Variants in CACUL1 observed in about 807,000 individuals in gnomAD.
CACUL1 encodes the protein CDK2 associated cullin domain 1.
CACUL1 carries 13 observed loss-of-function variants against 45.2 expected under a neutral mutation model. That is an observed-to-expected ratio of 0.29 (90% CI 0.19 to 0.46). CACUL1 has a LOEUF of 0.46. Among genes scored for constraint, CACUL1 ranks in the 20% least tolerant of loss-of-function variants. CACUL1 has a pLI of 1.00. For missense variants in CACUL1, 421 were observed against 471.4 expected (o/e 0.89, Z 0.99); for synonymous variants, 197 against 174.2 (o/e 1.13, Z -1.03).
At chr10:118,696,590 C>T (rs1180901243) in intron 5 of CACUL1, among the ~76,000 whole-genome samples, 1 of 152,200 alleles carries the variant, frequency 6.6e-6, no homozygotes, top group Non-Finnish European at 1.5e-5. Context: ...CTGCAGTGAG[C>T]CAAGATCCCG....
At position 118,716,211 on chromosome 10, in the gene CACUL1, G is replaced by A. The variant is rs563080217; in HGVS notation, c.598-8624C>T. Among the ~76,000 whole-genome samples the A allele has an allele frequency of 1.5e-3, 222 of 148,380 alleles. 1 individual carries two copies. Among genetic ancestry groups the A allele is most frequent in the African/African-American group, 5.3e-3 (213 of 40,226 alleles). ...TGCGCCACTGCACTCCAGCCTGGGC[G>A]ACAGAGCAAGACTCCGTCTCAAAAA... On this transcript the variant is annotated intron_variant, in intron 3 of 8. Transcript: ENST00000369151.
rs1307721213 is a variant in CACUL1 at position 118,729,449 on chromosome 10, AC to A, written c.495-53del. The A allele has an allele frequency of 7.6e-6, 10 of 1,310,366 alleles. No individual in the cohort carries two copies. The African/African-American group carries it at 1.3e-4, about 17-fold the overall frequency. The allele number at this position is 1,310,366 out of a possible 1,614,324, so 81.2% of individuals were successfully genotyped here. On this transcript the variant is annotated intron_variant, in intron 2 of 8. Coordinates refer to ENST00000369151, the MANE Select transcript of CACUL1 (RefSeq NM_153810.5). ...AACCAAGTTAATCATAAAGCACTTA[AC>A]TCAGTCCAAGGTTAAAGCACACTTT...
chr10:118,678,832 A>ATG lies in CACUL1; in HGVS notation c.*7294_*7295dup, dbSNP rs1379825174. The ATG allele has an allele frequency of 6.6e-6, 1 of 152,142 alleles. No individual in the cohort carries two copies. Among genetic ancestry groups the ATG allele is most frequent in the Non-Finnish European group, 1.5e-5 (1 of 68,020 alleles). 9.4% of individuals were successfully genotyped at this position (152,142 alleles called of 1,614,324 possible). ...CTGAAGGGTACAATGTGTTTTATGT[A>ATG]TGTGTGTGTTATGTATCTGTCAGAT... On this transcript the variant is annotated 3_prime_UTR_variant, in exon 9 of 9. Coordinates refer to ENST00000369151, the MANE Select transcript of CACUL1 (RefSeq NM_153810.5).
At chr10:118,753,599 C>G (rs1051388122) in intron 1 of CACUL1, among the ~76,000 whole-genome samples, 3 of 152,222 alleles carry the variant, frequency 2.0e-5, no homozygotes, top group African/African-American at 7.2e-5. Context: ...ATATCCTGGT[C>G]AGAGGCAGTT....
chr10:118,748,781 T>C (rs1354896635), intron 1 of CACUL1, among the ~76,000 whole-genome samples: 2 of 152,152 alleles, frequency 1.3e-5, no homozygotes, highest in African/African-American at 4.8e-5. Flanking sequence ...GTAACAGTAA[T>C]AGGCTACCTT....
chr10:118,707,291 T>C (rs1350320270), intron 4 of CACUL1, among the ~76,000 whole-genome samples: 6 of 152,210 alleles, frequency 3.9e-5, no homozygotes, highest in African/African-American at 1.2e-4. Flanking sequence ...GCAATTGTTA[T>C]GGAATTTCAA....
Position 118,684,140 on chromosome 10 carries a change from C to T in CACUL1, c.*1988G>A, listed in dbSNP as rs1845182783. The T allele has an allele frequency of 6.5e-6, 1 of 152,676 alleles. No homozygotes were observed. Among genetic ancestry groups the T allele is most frequent in the Non-Finnish European group, 1.5e-5 (1 of 68,050 alleles). The allele number at this position is 152,676 out of a possible 1,614,324, so 9.5% of individuals were successfully genotyped here. ...ATCCAAAGATTTTAATGCCAATTCA[C>T]ATTATACTGTGATGCTTTTATAGGG... is the stretch of plus-strand genomic sequence containing the variant. On this transcript the variant is annotated 3_prime_UTR_variant, in exon 9 of 9. Transcript: ENST00000369151.
rs766489033 is a variant in CACUL1 at position 118,676,671 on chromosome 10, C to G, written c.*9457G>C. ...ATGACAAGCATTTTTAATCATGACTCTCTCTAAAAGAACATTTTTTTAGAA... is the reference window on the plus strand; with the variant it reads ...ATGACAAGCATTTTTAATCATGACTGTCTCTAAAAGAACATTTTTTTAGAA... On this transcript the variant is annotated 3_prime_UTR_variant, in exon 9 of 9. Transcript: ENST00000369151. The G allele has an allele frequency of 2.0e-4, 30 of 150,344 alleles. No individual in the cohort carries two copies. The highest frequency in any genetic ancestry group is 3.8e-4 in the Non-Finnish European group (26 of 68,024). 9.3% of individuals were successfully genotyped at this position (150,344 alleles called of 1,614,324 possible).
Position 118,691,469 on chromosome 10 carries a change from A to G in CACUL1, c.887-66T>C. The G allele has an allele frequency of 2.1e-6, 3 of 1,446,694 alleles. No homozygotes were observed. The East Asian group carries it at 6.8e-5, about 33-fold the overall frequency. 89.6% of individuals were successfully genotyped at this position (1,446,694 alleles called of 1,614,324 possible). ...ACACACCAAATTAAATGGAAAAGGG[A>G]AAGTTTTCTTTTAAAATATATAGTA... is the stretch of plus-strand genomic sequence containing the variant. On this transcript the variant is annotated intron_variant, in intron 6 of 8. Coordinates refer to ENST00000369151, the MANE Select transcript of CACUL1 (RefSeq NM_153810.5).
At chr10:118,689,825 G>A (rs966976790) in intron 7 of CACUL1, among the ~76,000 whole-genome samples, 58 of 152,162 alleles carry the variant, frequency 3.8e-4, no homozygotes, top group Admixed American at 3.8e-3. Context: ...ATTCACAAGA[G>A]CTATATTCCT....
chr10:118,753,278 T>C (rs1412660135), intron 1 of CACUL1, among the ~76,000 whole-genome samples: 1 of 152,268 alleles, frequency 6.6e-6, no homozygotes, highest in Non-Finnish European at 1.5e-5. Flanking sequence ...AGGCAGTATC[T>C]TGGGGCAAAT....
In CACUL1 at chr10:118,691,379, A is replaced by G; in HGVS notation, c.911T>C (p.Leu304Pro). The change falls in exon 7 of 9, where the codon CTA (leucine) becomes CCA (proline). Residue 304 changes from leucine to proline, a missense_variant. By Grantham distance (98) the Leu-to-Pro change is moderately conservative. Coordinates refer to ENST00000369151, the MANE Select transcript of CACUL1 (RefSeq NM_153810.5). The stretch of plus-strand genomic sequence containing the variant: ...AATGTTTGGAATAAATTTAGAAAAT[A>G]GAGTTGGAGCCATCTGAACCCACTC... The part of the protein sequence containing the change: ...RPEWVQMAPT[L>P]FSKFIPNILP... The G allele has an allele frequency of 1.2e-6, 2 of 1,613,258 alleles. No individual in the cohort carries two copies. The highest frequency in any genetic ancestry group is 1.7e-6 in the Non-Finnish European group (2 of 1,179,312).
chr10:118,746,519 C>T lies in CACUL1; in HGVS notation c.367+7877G>A, dbSNP rs1012893943. ...ACCATAAAACTGCTAAGAAAAATTA[C>T]AGATAAAATCTTGACTTTGGGGTAG... On this transcript the variant is annotated intron_variant, in intron 1 of 8. Transcript: ENST00000369151. Among the ~76,000 whole-genome samples, 9 of 152,042 alleles carry T rather than the reference C, an allele frequency of 5.9e-5. No individual in the cohort carries two copies. In the East Asian group the frequency reaches 1.7e-3, roughly 29 times the overall value.
chr10:118,704,081 TA>T (rs199957452), intron 4 of CACUL1, among the ~76,000 whole-genome samples: 2 of 151,166 alleles, frequency 1.3e-5, no homozygotes, highest in South Asian at 2.1e-4. Context: ...GACTCCGTCT[TA>T]AAAAAAAAGA....
intron 3 of CACUL1, among the ~76,000 whole-genome samples, chr10:118,716,331 G>A (rs1012618637): frequency 6.8e-6 from 1 of 147,798 alleles, no homozygotes; most frequent in African/African-American, 2.5e-5. Flanking sequence ...CTGTGTGCAT[G>A]TGTCTGTTTC....
intron 7 of CACUL1, among the ~76,000 whole-genome samples, chr10:118,688,428 AC>A (rs1244875860): frequency 6.6e-6 from 1 of 152,216 alleles, no homozygotes; most frequent in Non-Finnish European, 1.5e-5. Flanking sequence ...TATAGACACA[AC>A]CTTCATTTCC....
In CACUL1 at chr10:118,682,640, T is replaced by C. The variant is rs927374429; in HGVS notation, c.*3488A>G. 5.9e-5 allele frequency: 9 copies of C among 152,648 alleles called. No homozygotes were observed. Among genetic ancestry groups the C allele is most frequent in the African/African-American group, 1.9e-4 (8 of 41,440 alleles). The allele number at this position is 152,648 out of a possible 1,614,324, so 9.5% of individuals were successfully genotyped here. A position where few individuals can be genotyped will look rare whatever the true frequency, so the allele number is the denominator to read the frequency against. On this transcript the variant is annotated 3_prime_UTR_variant, in exon 9 of 9. Transcript: ENST00000369151. ...CTGAAAAACGTTCAAATCCCTTGTT[T>C]GGTCAGTACAGAATATTGCGAGGTG...
At position 118,691,276 on chromosome 10, in the gene CACUL1, A is replaced by G; in HGVS notation, c.1014T>C (p.Asn338=). The change falls in exon 7 of 9, where the codon AAT becomes AAC. Residue 338 remains asparagine (N), a synonymous_variant. Transcript: ENST00000369151. ...AAAAAACAACTTGCCTTGTAAAACCATTCTGTATAAGTTCTCTTTGAAATT... is the reference window on the plus strand; with the variant it reads ...AAAAAACAACTTGCCTTGTAAAACCGTTCTGTATAAGTTCTCTTTGAAATT... ...DQKFQRELIQ[N]GFTRGDQSRK... is the part of the protein sequence containing the mutation. 6.2e-7 allele frequency: 1 copy of G among 1,612,396 alleles called. No homozygotes were observed. Among genetic ancestry groups the G allele is most frequent in the Non-Finnish European group, 8.5e-7 (1 of 1,179,468 alleles).
chr10:118,691,888 A>AAAAAAAAAAAT (rs1845274504), intron 6 of CACUL1, among the ~76,000 whole-genome samples: 1 of 150,862 alleles, frequency 6.6e-6, no homozygotes, highest in African/African-American at 2.4e-5. Flanking sequence ...AAAAAAAAAA[A>AAAAAAAAAAAT]AAGAAAAAGA....
Sources: gnomAD v4.1 joint callset for allele counts (sites outside exome capture counted in the v4.1 genomes callset) on GRCh38, gnomAD v4.1.1 for gene constraint, MANE v1.5 for transcripts, NCBI Gene and HGNC (gene_info 2026-07-23, HGNC 2026-07-21) for gene names.